Variants in TNPO3 observed in about 807,000 individuals in gnomAD.
TNPO3 encodes the protein transportin-3.
A neutral mutation model predicts 122.8 loss-of-function variants in TNPO3; 65 were observed. That is an observed-to-expected ratio of 0.53 (90% CI 0.43 to 0.65). TNPO3 has a LOEUF of 0.65. TNPO3 is among the 30% of genes least tolerant of loss of function. The pLI, the probability that TNPO3 is intolerant of heterozygous loss-of-function variation, is 0.00. For synonymous variants in TNPO3, 372 were observed against 411.2 expected, an observed-to-expected ratio of 0.90 and a Z score of 1.15; for missense variants, 850 against 1,136.7, an observed-to-expected ratio of 0.75 and a Z score of 3.63.
At chr7:128,990,694 A>T (rs1197394651) in intron 10 of TNPO3, among the ~76,000 whole-genome samples, 1 of 152,242 alleles carries the variant, frequency 6.6e-6, no homozygotes, top group Non-Finnish European at 1.5e-5. Context: ...TTGGAACATG[A>T]GGGAAAATTA....
chr7:129,051,342 T>C (rs1040941155), intron 1 of TNPO3, among the ~76,000 whole-genome samples: 1 of 146,254 alleles, frequency 6.8e-6, no homozygotes, highest in Non-Finnish European at 1.5e-5. Flanking sequence ...AATCAGTGAT[T>C]TGGAGGTGTG....
chr7:129,031,134 A>T (rs1037229654), intron 1 of TNPO3, among the ~76,000 whole-genome samples: 14 of 152,154 alleles, frequency 9.2e-5, no homozygotes, highest in African/African-American at 1.4e-4. Flanking sequence ...AAAATACAAA[A>T]AAATAAATAA....
chr7:128,965,669 C>A (rs1399264539), intron 21 of TNPO3, among the ~76,000 whole-genome samples: 1 of 152,190 alleles, frequency 6.6e-6, no homozygotes, highest in African/African-American at 2.4e-5. Context: ...GCCTTACTCA[C>A]AACAGCAGCC....
rs1297565745 is a variant in TNPO3, at chr7:129,027,593, A to AC, written c.121-9437_121-9436insG. ...AAAAAAAAAAAAAAAAAAAAAAAAC[A>AC]ACACAAAAAATTCACTAAATACTCC... On this transcript the variant is annotated intron_variant, in intron 1 of 22. Transcript: ENST00000265388. Among the ~76,000 whole-genome samples, 417 of 59,332 alleles carry AC rather than the reference A, an allele frequency of 7.0e-3. 2 individuals carry two copies. Among genetic ancestry groups the AC allele is most frequent in the South Asian group, 0.052 (94 of 1,796 alleles). 38.9% of individuals were successfully genotyped at this position (59,332 alleles called of 152,430 possible).
Position 128,978,985 on chromosome 7 carries a change from G to A in TNPO3, c.2059C>T (p.Gln687Ter). The part of the protein sequence containing the change: ...SAALLQPLVT[Q>*]MVNVYHVHQH... The stretch of plus-strand genomic sequence containing the variant: ...CCCCCCGCAACAGATAACTTTACCT[G>A]TGTGACTAGTGGCTGCAGCAGTGCT... Residue 687 changes from glutamine to a stop codon, truncating the protein, a stop_gained and splice_region_variant, in exon 16 of 23, where the codon CAG becomes TAG. Coordinates refer to ENST00000265388, the MANE Select transcript of TNPO3 (RefSeq NM_012470.4). LOFTEE classifies it high-confidence loss of function. The A allele has an allele frequency of 6.2e-7, 1 of 1,614,110 alleles. No homozygotes were observed. Among genetic ancestry groups the A allele is most frequent in the Admixed American group, 1.7e-5 (1 of 60,010 alleles).
At chr7:129,004,757 T>G (rs1211288894) in intron 5 of TNPO3, among the ~76,000 whole-genome samples, 2 of 152,220 alleles carry the variant, frequency 1.3e-5, no homozygotes, top group African/African-American at 4.8e-5. Flanking sequence ...AAGATACCAA[T>G]GGTTATTTGG....
Position 128,969,204 on chromosome 7 carries a change from A to G in TNPO3, c.2598+944T>C, listed in dbSNP as rs114729805. Among the ~76,000 whole-genome samples, 1,492 of 152,332 alleles carry G rather than the reference A, an allele frequency of 9.8e-3. 25 individuals are homozygous for G. Among genetic ancestry groups the G allele is most frequent in the African/African-American group, 0.034 (1,406 of 41,556 alleles). On this transcript the variant is annotated intron_variant, in intron 20 of 22. Transcript: ENST00000265388. ...TACTTGGGAACCAAATGTATTTGTAAAAAAGTTTAAGCAGAGTATGAAGAC... is the reference window on the plus strand; with the variant it reads ...TACTTGGGAACCAAATGTATTTGTAGAAAAGTTTAAGCAGAGTATGAAGAC...
chr7:128,981,455 T>C (rs1179739451), intron 14 of TNPO3, among the ~76,000 whole-genome samples: 1 of 152,224 alleles, frequency 6.6e-6, no homozygotes, highest in Non-Finnish European at 1.5e-5. Context: ...CATTATATTT[T>C]TGTACCCATA....
intron 5 of TNPO3, among the ~76,000 whole-genome samples, chr7:129,003,682 C>T (rs139869236): frequency 3.2e-4 from 49 of 151,598 alleles, no homozygotes; most frequent in African/African-American, 1.2e-3. Context: ...GTGACACTCC[C>T]CCTAAAAAGA....
intron 21 of TNPO3, among the ~76,000 whole-genome samples, chr7:128,960,586 AAAG>A (rs1797347511): frequency 6.6e-6 from 1 of 150,656 alleles, no homozygotes. Context: ...AAAAAAAAAT[AAAG>A]TAATTTTAAG....
chr7:129,011,338 C>CT (rs1211598111), intron 4 of TNPO3, among the ~76,000 whole-genome samples: 1 of 152,022 alleles, frequency 6.6e-6, no homozygotes, highest in African/African-American at 2.4e-5. Context: ...TAAAAAGTAT[C>CT]TTTTTTTGTT....
intron 9 of TNPO3, among the ~76,000 whole-genome samples, chr7:128,992,470 T>A (rs927775560): frequency 2.6e-5 from 4 of 152,162 alleles, no homozygotes; most frequent in Admixed American, 2.0e-4. Context: ...TGGCTTTACA[T>A]TTCTATTGTT....
At chr7:129,012,459 T>C (rs1396586193) in intron 4 of TNPO3, among the ~76,000 whole-genome samples, 1 of 152,172 alleles carries the variant, frequency 6.6e-6, no homozygotes, top group African/African-American at 2.4e-5. Context: ...AACTCCAAAA[T>C]GCTCCAAAAT....
At chr7:129,027,558 C>CAAAAAAAAAAAAAAAAAAAAAA (rs71162549) in intron 1 of TNPO3, among the ~76,000 whole-genome samples, 3 of 8,972 alleles carry the variant, frequency 3.3e-4, no homozygotes, top group Non-Finnish European at 3.6e-4. Context: ...AAGACTGTCT[C>CAAAAAAAAAAAAAAAAAAAAAA]AAAAAAAAAA....
chr7:128,990,326 T>C (rs1161875751), intron 10 of TNPO3: 3 of 623,132 alleles, frequency 4.8e-6, no homozygotes, highest in Non-Finnish European at 8.5e-6. Flanking sequence ...TCCTTAATCT[T>C]CTGAATGCCA....
At chr7:129,003,305 T>G (rs954147945) in intron 5 of TNPO3, among the ~76,000 whole-genome samples, 5 of 149,590 alleles carry the variant, frequency 3.3e-5, no homozygotes, top group African/African-American at 9.8e-5. Context: ...GGGTTTTTTT[T>G]TTTTTTTTTT....
Position 129,054,740 on chromosome 7 carries a change from C to G in TNPO3, c.31G>C (p.Val11Leu). Residue 11 changes from valine (V) to leucine (L), a missense_variant, in exon 1 of 23, where the codon GTG becomes CTG. Transcript: ENST00000265388. ...TAAAGCGCCTGCACTGCCTGGTACA[C>G]GAGCTGCAATGTCGGCTTTGCTCCT... is the stretch of plus-strand genomic sequence containing the variant. MEGAKPTLQL[V>L]YQAVQALYHD... 1 of 1,614,180 alleles carries G rather than the reference C, an allele frequency of 6.2e-7. No individual in the cohort carries two copies. The highest frequency in any genetic ancestry group is 8.5e-7 in the Non-Finnish European group (1 of 1,180,012).
At chr7:129,003,389 G>T (rs918739402) in intron 5 of TNPO3, among the ~76,000 whole-genome samples, 3 of 150,402 alleles carry the variant, frequency 2.0e-5, no homozygotes. Context: ...ATGTGACATG[G>T]CCAGGTGTGG....
Position 128,975,817 on chromosome 7 carries a change from A to G in TNPO3, c.2178+2T>C. ...CGTCTACACTCCTCATGGAAAAGAT[A>G]CCTGGAGCATGTCTAGCAGTCCCTG... On this transcript the variant is annotated splice_donor_variant, in intron 17 of 22. Transcript: ENST00000265388. LOFTEE classifies it high-confidence loss of function. 1 of 1,600,988 alleles carries G rather than the reference A, an allele frequency of 6.2e-7. No homozygotes were observed. Among genetic ancestry groups the G allele is most frequent in the Non-Finnish European group, 8.6e-7 (1 of 1,168,062 alleles).
Sources: gnomAD v4.1 joint callset for allele counts (sites outside exome capture counted in the v4.1 genomes callset) on GRCh38, gnomAD v4.1.1 for gene constraint, MANE v1.5 for transcripts, NCBI Gene and HGNC (gene_info 2026-07-23, HGNC 2026-07-21) for gene names.